C19orf12: variants seen among roughly 807,000 people sequenced by gnomAD.
The protein encoded by C19orf12 is protein C19orf12.
In C19orf12, 2 loss-of-function variants were observed where a neutral mutation model predicts 3.8. The observed-to-expected ratio is 0.53, with a 90% CI of 0.22 to 1.66. C19orf12 has a LOEUF of 1.66. Among genes scored for constraint, C19orf12 ranks in the 40% most tolerant of loss-of-function variants. The pLI, the probability that C19orf12 is intolerant of heterozygous loss-of-function variation, is 0.20. For synonymous variants in C19orf12, 89 were observed against 84.6 expected (o/e 1.05, Z -0.28); for missense variants, 156 against 188.8 (o/e 0.83, Z 1.02).
At chr19:29,708,679 C>T (rs1381850572) in intron 1 of C19orf12, 2 of 536,360 alleles carry the variant, frequency 3.7e-6, no homozygotes, top group Non-Finnish European at 6.8e-6. Flanking sequence ...TAACTTCTGA[C>T]TTACGACAGA....
At chr19:29,711,320 G>A (rs1010879050) in intron 1 of C19orf12, among the ~76,000 whole-genome samples, 2 of 152,186 alleles carry the variant, frequency 1.3e-5, no homozygotes, top group Non-Finnish European at 2.9e-5. Flanking sequence ...GATTATGGGC[G>A]TGAGCCACTA....
chr19:29,707,813 C>T (rs1215679120), intron 2 of C19orf12, among the ~76,000 whole-genome samples: 1 of 152,072 alleles, frequency 6.6e-6, no homozygotes, highest in Non-Finnish European at 1.5e-5. Flanking sequence ...CCACAAGACG[C>T]ATGGCACCAC....
In C19orf12 at chr19:29,700,653, C is replaced by A; in HGVS notation, c.*2059G>T. On this transcript the variant is annotated 3_prime_UTR_variant, in exon 3 of 3. Transcript: ENST00000323670. ...GGCATATAAATGATTAAAGTGGCTT[C>A]ATTAACTCCAGGAGTGTGGCCTGTG... 2.2e-6 allele frequency: 1 copy of A among 454,108 alleles called. No individual in the cohort carries two copies. The highest frequency in any genetic ancestry group is 1.6e-5 in the South Asian group (1 of 64,462). The allele number at this position is 454,108 out of a possible 1,614,324, so 28.1% of individuals were successfully genotyped here.
At chr19:29,703,544 C>A (rs1972228108) in intron 2 of C19orf12, among the ~76,000 whole-genome samples, 1 of 151,882 alleles carries the variant, frequency 6.6e-6, no homozygotes, top group Non-Finnish European at 1.5e-5. Flanking sequence ...CCACACCTGG[C>A]TAATTTTTGT....
At chr19:29,708,863 G>A (rs574520868) in intron 1 of C19orf12, among the ~76,000 whole-genome samples, 83 of 152,340 alleles carry the variant, frequency 5.4e-4, no homozygotes, top group African/African-American at 1.9e-3. Flanking sequence ...CAGAGCCAGG[G>A]AAGGGATGGG....
chr19:29,700,692 TTTGTGCTAGACGAGGCCAGCAG>T lies in C19orf12; in HGVS notation c.*1998_*2019del. 4.4e-6 allele frequency: 2 copies of T among 454,104 alleles called. No homozygotes were observed. Among genetic ancestry groups the T allele is most frequent in the East Asian group, 1.4e-4 (2 of 14,396 alleles). 28.1% of individuals were successfully genotyped at this position (454,104 alleles called of 1,614,324 possible). A position where few individuals can be genotyped will look rare whatever the true frequency, so the allele number is the denominator to read the frequency against. On this transcript the variant is annotated 3_prime_UTR_variant, in exon 3 of 3. Coordinates refer to ENST00000323670, the MANE Select transcript of C19orf12 (RefSeq NM_031448.6). ...GTGTGGCCTGTGCTAGGGCACCTGA[TTTGTGCTAGACGAGGCCAGCAG>T]AAGAGCAATCGCTCTGCAAGAGAAA...
chr19:29,708,419 C>T lies in C19orf12; in HGVS notation c.-6G>A, dbSNP rs781205888. Reference sequence around the variant, plus strand: ...TCCTCCACCATGATAGTCATCGTGGCGGGCCTTCGAGGGAGAAGTTCAGAG... The same window carrying T: ...TCCTCCACCATGATAGTCATCGTGGTGGGCCTTCGAGGGAGAAGTTCAGAG... On this transcript the variant is annotated 5_prime_UTR_variant, in exon 2 of 3. Coordinates refer to ENST00000323670, the MANE Select transcript of C19orf12 (RefSeq NM_031448.6). 9 of 1,613,606 alleles carry T rather than the reference C, an allele frequency of 5.6e-6. No individual in the cohort carries two copies. The highest frequency in any genetic ancestry group is 3.3e-5 in the Admixed American group (2 of 60,010).
At chr19:29,710,945 C>A (rs979886676) in intron 1 of C19orf12, among the ~76,000 whole-genome samples, 3 of 151,600 alleles carry the variant, frequency 2.0e-5, no homozygotes, top group African/African-American at 7.3e-5. Context: ...GGAGACGGAG[C>A]GCAGAACCTG....
rs1354873553 is a variant in C19orf12, at chr19:29,700,366, G to C, written c.*2346C>G. On this transcript the variant is annotated 3_prime_UTR_variant, in exon 3 of 3. Coordinates refer to ENST00000323670, the MANE Select transcript of C19orf12 (RefSeq NM_031448.6). ...TTGAAGCACTGAACCAAACATCTTT[G>C]TTGAGGTTTCATTCTCACGATATCT... 1 of 454,022 alleles carries C rather than the reference G, an allele frequency of 2.2e-6. No individual in the cohort carries two copies. Among genetic ancestry groups the C allele is most frequent in the South Asian group, 1.6e-5 (1 of 64,488 alleles). The allele number at this position is 454,022 out of a possible 1,614,324, so 28.1% of individuals were successfully genotyped here. A position where few individuals can be genotyped will look rare whatever the true frequency, so the allele number is the denominator to read the frequency against.
intron 1 of C19orf12, among the ~76,000 whole-genome samples, chr19:29,710,412 G>T (rs892220893): frequency 1.3e-5 from 2 of 152,108 alleles, no homozygotes; most frequent in Non-Finnish European, 2.9e-5. Flanking sequence ...CTCCACAAGT[G>T]CACGGGAATC....
chr19:29,703,559 T>C (rs1972228382), intron 2 of C19orf12, among the ~76,000 whole-genome samples: 1 of 151,848 alleles, frequency 6.6e-6, no homozygotes, highest in East Asian at 2.0e-4. Flanking sequence ...TTTTGTATTT[T>C]TGTAGAAACA....
Position 29,699,895 on chromosome 19 carries a change from G to A in C19orf12, c.*2817C>T, listed in dbSNP as rs936297713. Reference sequence around the variant, plus strand: ...CTAAAACCACAGGAGCTGAGAAGCAGCGCTTGATTTCCTGGGGGAAATCAA... The same window carrying A: ...CTAAAACCACAGGAGCTGAGAAGCAACGCTTGATTTCCTGGGGGAAATCAA... On this transcript the variant is annotated 3_prime_UTR_variant, in exon 3 of 3. Coordinates refer to ENST00000323670, the MANE Select transcript of C19orf12 (RefSeq NM_031448.6). 2.2e-6 allele frequency: 1 copy of A among 450,194 alleles called. No individual in the cohort carries two copies. Among genetic ancestry groups the A allele is most frequent in the African/African-American group, 2.0e-5 (1 of 49,672 alleles). 27.9% of individuals were successfully genotyped at this position (450,194 alleles called of 1,614,324 possible).
intron 1 of C19orf12, among the ~76,000 whole-genome samples, chr19:29,711,731 C>T (rs555593203): frequency 2.6e-5 from 4 of 152,270 alleles, no homozygotes; most frequent in Admixed American, 2.6e-4. Flanking sequence ...AGAAGGAAGG[C>T]AGGAAACAGA....
rs1024445763 is a variant in C19orf12 at position 29,700,029 on chromosome 19, C to T, written c.*2683G>A. 4.4e-6 allele frequency: 2 copies of T among 453,956 alleles called. No homozygotes were observed. Among genetic ancestry groups the T allele is most frequent in the Non-Finnish European group, 8.8e-6 (2 of 226,806 alleles). 28.1% of individuals were successfully genotyped at this position (453,956 alleles called of 1,614,324 possible). ...GACCCAGCTAGTTCCAGTGTCTTCA[C>T]TCAGCAAGGCCTGCTCCATCGGACA... On this transcript the variant is annotated 3_prime_UTR_variant, in exon 3 of 3. Coordinates refer to ENST00000323670, the MANE Select transcript of C19orf12 (RefSeq NM_031448.6).
At chr19:29,707,509 G>A (rs1200010507) in intron 2 of C19orf12, among the ~76,000 whole-genome samples, 1 of 152,214 alleles carries the variant, frequency 6.6e-6, no homozygotes, top group Non-Finnish European at 1.5e-5. Context: ...CTGAGAAGGT[G>A]CATGGCTCCT....
In C19orf12 at chr19:29,699,164, A is replaced by G. The variant is rs1169104138; in HGVS notation, c.*3548T>C. The G allele has an allele frequency of 2.2e-6, 1 of 453,924 alleles. No homozygotes were observed. The highest frequency in any genetic ancestry group is 2.0e-5 in the African/African-American group (1 of 49,980). The allele number at this position is 453,924 out of a possible 1,614,324, so 28.1% of individuals were successfully genotyped here. A position where few individuals can be genotyped will look rare whatever the true frequency, so the allele number is the denominator to read the frequency against. ...GGGCATATAGGATAAGAAGGCAAGT[A>G]CGTTAGAAATATACATACATAGGCC... On this transcript the variant is annotated 3_prime_UTR_variant, in exon 3 of 3. Transcript: ENST00000323670.
chr19:29,712,623 A>G (rs1192935403), intron 1 of C19orf12, among the ~76,000 whole-genome samples: 1 of 152,104 alleles, frequency 6.6e-6, no homozygotes, highest in Non-Finnish European at 1.5e-5. Flanking sequence ...GGGGACTCAG[A>G]AATTCGCACC....
chr19:29,706,932 T>G (rs150350832), intron 2 of C19orf12, among the ~76,000 whole-genome samples: 1 of 152,338 alleles, frequency 6.6e-6, no homozygotes, highest in East Asian at 1.9e-4. Context: ...CAGGTAGACC[T>G]TCTGAGGCTC....
At chr19:29,710,287 G>A (rs1044305354) in intron 1 of C19orf12, among the ~76,000 whole-genome samples, 2 of 152,152 alleles carry the variant, frequency 1.3e-5, no homozygotes, top group African/African-American at 4.8e-5. Context: ...ATCCATGAGA[G>A]GACCGCAAAG....
Sources: gnomAD v4.1 joint callset for allele counts (sites outside exome capture counted in the v4.1 genomes callset) on GRCh38, gnomAD v4.1.1 for gene constraint, MANE v1.5 for transcripts, NCBI Gene and HGNC (gene_info 2026-07-23, HGNC 2026-07-21) for gene names.